Variants in ZNF875 observed in about 807,000 individuals in gnomAD.
ZNF875 encodes the protein HKR1, GLI-Kruppel zinc finger family member.
ZNF875 carries 14 observed loss-of-function variants against 11.2 expected under a neutral mutation model. The observed-to-expected ratio is 1.26, with a 90% CI of 0.83 to 1.96. ZNF875 has a LOEUF of 1.96. Ranked by LOEUF, ZNF875 falls within the 30% of genes most tolerant of loss-of-function variation. The pLI, the probability that ZNF875 is intolerant of heterozygous loss-of-function variation, is 0.00. For synonymous variants in ZNF875, 301 were observed against 281.1 expected (o/e 1.07, Z -0.71); for missense variants, 752 against 760.4 (o/e 0.99, Z 0.13).
At chr19:37,347,720 A>G (rs1432774942) in intron 3 of ZNF875, 57 bp from the exon 4 acceptor site, 9 of 1,079,612 alleles carry the variant, frequency 8.3e-6, no homozygotes, top group Non-Finnish European at 1.3e-5. Context: ...TCTGAGTTCT[A>G]GAATGCCCTC....
chr19:37,363,564 C>T lies in ZNF875; in HGVS notation c.1712C>T (p.Ala571Val). 1.2e-6 allele frequency: 2 copies of T among 1,611,566 alleles called. No homozygotes were observed. The highest frequency in any genetic ancestry group is 2.2e-5 in the East Asian group (1 of 44,720). ...VCRECGQGFCAKLTLIKHQRA... is the reference protein window; with the variant it reads ...VCRECGQGFCVKLTLIKHQRA... ...AGGGAGTGTGGGCAAGGCTTTTGTG[C>T]TAAGTTAACTCTCATTAAACACCAG... The change falls in exon 5 of 5, where the codon GCT (alanine) becomes GTT (valine). Residue 571 changes from alanine to valine, a missense_variant. Transcript: ENST00000392153.
At chr19:37,338,646 T>G (rs1424784247) in intron 2 of ZNF875, among the ~76,000 whole-genome samples, 1 of 152,244 alleles carries the variant, frequency 6.6e-6, no homozygotes, top group African/African-American at 2.4e-5. Context: ...CATGAGCATT[T>G]AAATAGTTGT....
upstream of ZNF875, chr19:37,313,200 A>AC (rs201248138): frequency 0.024 from 3,663 of 149,656 alleles, 148 homozygotes; most frequent in African/African-American, 0.087. Flanking sequence ...GAAAAAGACA[A>AC]CCCCGCCCCC....
Position 37,362,995 on chromosome 19 carries a change from G to T in ZNF875, c.1143G>T (p.Leu381=). The T allele has an allele frequency of 6.2e-7, 1 of 1,614,054 alleles. No homozygotes were observed. The highest frequency in any genetic ancestry group is 8.5e-7 in the Non-Finnish European group (1 of 1,180,020). ...CGRGFRQHSH[L]VRHKRTHSGE... is the part of the protein sequence containing the mutation. ...GTGGCTTTCGCCAGCATTCACACCT[G>T]GTCAGACACAAGAGGACACATTCAG... The change falls in exon 5 of 5, where the codon CTG becomes CTT. Residue 381 remains leucine (L), a synonymous_variant. Transcript: ENST00000392153.
At chr19:37,360,524 G>A (rs984275112) in intron 4 of ZNF875, among the ~76,000 whole-genome samples, 1 of 152,206 alleles carries the variant, frequency 6.6e-6, no homozygotes, top group African/African-American at 2.4e-5. Flanking sequence ...ATAAATTTTG[G>A]TGAGAATCAC....
Position 37,319,761 on chromosome 19 carries a change from G to A in ZNF875, c.-747+1575G>A, listed in dbSNP as rs1221703447. Among the ~76,000 whole-genome samples the A allele has an allele frequency of 5.9e-5, 9 of 152,070 alleles. No homozygotes were observed. The South Asian group carries it at 1.5e-3, about 25-fold the overall frequency. On this transcript the variant is annotated intron_variant, in intron 1 of 5. Coordinates refer to the ZNF875 transcript ENST00000544914. Reference sequence around the variant, plus strand: ...GGAAACTAAGACCGGCTATCCCTCTGACCTCCCTGCTGAACAACCATTTTT... The same window carrying A: ...GGAAACTAAGACCGGCTATCCCTCTAACCTCCCTGCTGAACAACCATTTTT...
chr19:37,321,303 A>G (rs2145671680), intron 1 of ZNF875, among the ~76,000 whole-genome samples: 1 of 152,310 alleles, frequency 6.6e-6, no homozygotes, highest in South Asian at 2.1e-4. Context: ...GGGCAATGGA[A>G]TGTCTCTGTG....
At chr19:37,347,933 G>T in intron 4 of ZNF875, 61 bp downstream of exon 4, 6 of 961,402 alleles carry the variant, frequency 6.2e-6, no homozygotes, top group Admixed American at 5.4e-5. Context: ...GAAGGAGGAG[G>T]CATCTCTCAG....
rs56256521 is a variant in ZNF875, at chr19:37,319,369, A to ATATATATATATATATATATATATG, written c.-747+1183_-747+1184insTATATATATATATATATATATATG. ...CATATATATATATATATATATATAT[A>ATATATATATATATATATATATATG]ATAAAAATGGTAATGACACTATCTC... On this transcript the variant is annotated intron_variant, in intron 1 of 5. Transcript: ENST00000544914. Among the ~76,000 whole-genome samples the ATATATATATATATATATATATATG allele has an allele frequency of 3.6e-5, 5 of 139,956 alleles. No homozygotes were observed. The South Asian group carries it at 9.3e-4, about 26-fold the overall frequency. The allele number at this position is 139,956 out of a possible 152,430, so 91.8% of individuals were successfully genotyped here.
chr19:37,356,759 C>T (rs1180523793), intron 4 of ZNF875, among the ~76,000 whole-genome samples: 2 of 152,208 alleles, frequency 1.3e-5, no homozygotes, highest in African/African-American at 2.4e-5. Context: ...CAAATGCTTT[C>T]TCCCATTCTG....
upstream of ZNF875, among the ~76,000 whole-genome samples, chr19:37,334,329 C>T (rs1362346703): frequency 2.0e-5 from 3 of 152,208 alleles, no homozygotes; most frequent in African/African-American, 7.2e-5. Context: ...TCAGCTCACC[C>T]GCACCTTGAA....
At chr19:37,318,918 A>G (rs1165663854) in intron 1 of ZNF875, among the ~76,000 whole-genome samples, 2 of 152,132 alleles carry the variant, frequency 1.3e-5, no homozygotes, top group Non-Finnish European at 2.9e-5. Flanking sequence ...TTGATATCTT[A>G]GTAGTAGTAT....
intron 2 of ZNF875, among the ~76,000 whole-genome samples, chr19:37,323,022 T>G (rs1310799426): frequency 6.0e-5 from 9 of 150,996 alleles, no homozygotes; most frequent in Non-Finnish European, 1.3e-4. Flanking sequence ...CCGCCCTGAG[T>G]TTGTATTATG....
intron 4 of ZNF875, among the ~76,000 whole-genome samples, 174 bp downstream of exon 4, chr19:37,348,046 C>G (rs2037159594): frequency 6.6e-6 from 1 of 151,972 alleles, no homozygotes; most frequent in Non-Finnish European, 1.5e-5. Flanking sequence ...GAGGGACTTC[C>G]CTGGTTCCCT....
chr19:37,336,967 G>A (rs532316619), intron 2 of ZNF875, among the ~76,000 whole-genome samples: 2 of 152,192 alleles, frequency 1.3e-5, no homozygotes, highest in Non-Finnish European at 2.9e-5. Flanking sequence ...TTCACACATA[G>A]AACAAGGAGA....
chr19:37,343,153 A>C (rs372928375), intron 2 of ZNF875, among the ~76,000 whole-genome samples: 1 of 152,010 alleles, frequency 6.6e-6, no homozygotes, highest in African/African-American at 2.4e-5. Flanking sequence ...CCTGGCCAAC[A>C]TAGTGAAACC....
intron 2 of ZNF875, among the ~76,000 whole-genome samples, chr19:37,345,430 T>C (rs1262141249): frequency 6.6e-6 from 1 of 152,168 alleles, no homozygotes; most frequent in African/African-American, 2.4e-5. Context: ...TAGGGAGGAT[T>C]CCCTGGGAAG....
intron 2 of ZNF875, among the ~76,000 whole-genome samples, chr19:37,338,695 A>G (rs910179613): frequency 6.6e-6 from 1 of 152,272 alleles, no homozygotes; most frequent in African/African-American, 2.4e-5. Flanking sequence ...CCTAGCACAC[A>G]TGAAATGTTT....
chr19:37,361,452 TCTC>T (rs1188126369), intron 4 of ZNF875, among the ~76,000 whole-genome samples: 16 of 152,124 alleles, frequency 1.1e-4, no homozygotes, highest in South Asian at 2.1e-4. Context: ...TCCTTTTCCT[TCTC>T]CTCCTCCTCC....
Sources: gnomAD v4.1 joint callset for allele counts (sites outside exome capture counted in the v4.1 genomes callset) on GRCh38, gnomAD v4.1.1 for gene constraint, MANE v1.5 for transcripts, NCBI Gene and HGNC (gene_info 2026-07-23, HGNC 2026-07-21) for gene names.